DMBT1: variants seen among roughly 807,000 people sequenced by gnomAD.
The protein encoded by DMBT1 is deleted in malignant brain tumors 1.
In DMBT1, 198 loss-of-function variants were observed where a neutral mutation model predicts 252.9. That is an observed-to-expected ratio of 0.78 (90% confidence interval 0.70 to 0.88). The LOEUF (loss-of-function observed/expected upper bound fraction) is 0.88. DMBT1 is among the 40% of genes least tolerant of loss of function. The pLI, the probability that DMBT1 is intolerant of heterozygous loss-of-function variation, is 0.00. For missense variants in DMBT1, 2,432 were observed against 2,404.7 expected, an observed-to-expected ratio of 1.01 and a Z score of -0.24; for synonymous variants, 990 against 942.7, an observed-to-expected ratio of 1.05 and a Z score of -0.92.
chr10:122,571,359 C>A (rs781641946), intron 4 of DMBT1, among the ~76,000 whole-genome samples: 7 of 152,140 alleles, frequency 4.6e-5, no homozygotes, highest in Non-Finnish European at 8.8e-5. Context: ...ATCACGACAA[C>A]CCCTGTCCTG....
intron 26 of DMBT1, 38 bp from the exon 27 acceptor site, chr10:122,600,026 A>T: frequency 6.2e-7 from 1 of 1,607,174 alleles, no homozygotes; most frequent in Non-Finnish European, 8.5e-7. Flanking sequence ...ACTTCTGTGT[A>T]ATGTTCCTGA....
rs758061982 is a variant in DMBT1 at position 122,618,116 on chromosome 10, A to T, written c.4991A>T (p.Asp1664Val). The stretch of plus-strand genomic sequence containing the variant: ...CAAGGCTCCTGGGGCACCGTGTGTG[A>T]TGACTACTGGGACACCAATGATGCC... ...LYQGSWGTVC[D>V]DYWDTNDANV... The change falls in exon 41 of 56, where the codon GAT becomes GTT. Residue 1664 changes from aspartate to valine, a missense_variant. Transcript: ENST00000338354. 1 of 1,613,810 alleles carries T rather than the reference A, an allele frequency of 6.2e-7. No homozygotes were observed. Among genetic ancestry groups the T allele is most frequent in the East Asian group, 2.2e-5 (1 of 44,870 alleles).
chr10:122,624,777 G>A lies in DMBT1; in HGVS notation c.5609-500G>A, dbSNP rs144850572. Among the ~76,000 whole-genome samples the A allele has an allele frequency of 5.1e-3, 783 of 152,326 alleles. 4 individuals are homozygous for A. The highest frequency in any genetic ancestry group is 0.018 in the African/African-American group (736 of 41,562). Reference sequence around the variant, plus strand: ...TGCTCAGGGAATGAGTCCTAACTGTGGAGCTGCCCGCACAATGGCTGGCTC... The same window carrying A: ...TGCTCAGGGAATGAGTCCTAACTGTAGAGCTGCCCGCACAATGGCTGGCTC... On this transcript the variant is annotated intron_variant, in intron 44 of 55. Transcript: ENST00000338354.
Position 122,598,757 on chromosome 10 carries a change from C to G in DMBT1, c.2957-17C>G. ...TCATGATAGGGATGGATGAAGGATT[C>G]TTGTGTTCCCCTGTAGGATCTGAAT... is the stretch of plus-strand genomic sequence containing the variant. On this transcript the variant is annotated splice_polypyrimidine_tract_variant and intron_variant, in intron 25 of 55. Transcript: ENST00000338354. 6.2e-7 allele frequency: 1 copy of G among 1,612,698 alleles called. No homozygotes were observed. The highest frequency in any genetic ancestry group is 8.5e-7 in the Non-Finnish European group (1 of 1,179,708).
In DMBT1 at chr10:122,626,072, C is replaced by T. The variant is rs144488065; in HGVS notation, c.5668+107C>T. ...CCCCACCCCAGCCTTCCTCAATCTG[C>T]ACATAGCCCTGGCCTGTCCCACTAT... On this transcript the variant is annotated intron_variant, in intron 46 of 55. Transcript: ENST00000338354. 1,001 of 891,666 alleles carry T rather than the reference C, an allele frequency of 1.1e-3. 2 individuals carry two copies. The African/African-American group carries it at 0.013, about 12-fold the overall frequency. The allele number at this position is 891,666 out of a possible 1,614,324, so 55.2% of individuals were successfully genotyped here.
At chr10:122,617,207 T>C in intron 39 of DMBT1, 21 bp from the exon 40 acceptor site, 1 of 1,608,212 alleles carries the variant, frequency 6.2e-7, no homozygotes, top group African/African-American at 1.3e-5. Context: ...TTCTGTCTTT[T>C]TTCTTTGTTG....
rs1436067246 is a variant in DMBT1, at chr10:122,643,461, G to A, written c.*63G>A. 62 of 1,531,496 alleles carry A rather than the reference G, an allele frequency of 4.0e-5. No individual in the cohort carries two copies. The highest frequency in any genetic ancestry group is 5.0e-5 in the Non-Finnish European group (57 of 1,135,216). The allele number at this position is 1,531,496 out of a possible 1,614,324, so 94.9% of individuals were successfully genotyped here. On this transcript the variant is annotated 3_prime_UTR_variant, in exon 56 of 56. Transcript: ENST00000338354. ...GACCCCTGACTCGGGGACTTGGGAT[G>A]TTCCTCTTGGTGTCATATTCCAACT...
chr10:122,562,131 A>G (rs2097552590), intron 1 of DMBT1, among the ~76,000 whole-genome samples: 1 of 143,616 alleles, frequency 7.0e-6, no homozygotes, highest in Non-Finnish European at 1.5e-5. Context: ...CCTTCCTTCC[A>G]TCCCTTTTTC....
rs1565741519 is a variant in DMBT1 at position 122,591,482 on chromosome 10, CGTT to C, written c.2144_2146del (p.Leu715del). The C allele has an allele frequency of 1.3e-6, 2 of 1,587,204 alleles. No individual in the cohort carries two copies. The highest frequency in any genetic ancestry group is 1.3e-5 in the African/African-American group (1 of 74,544). ...TTGTCTTTGTTGCAATTTACAGACA[CGTT>C]GTCGACCATCACGTTACCTCCATCG... On this transcript the variant is annotated inframe_deletion, in exon 19 of 56. Coordinates refer to ENST00000338354, the MANE Select transcript of DMBT1 (RefSeq NM_001377530.1).
At chr10:122,637,353 CT>C in intron 54 of DMBT1, 41 bp downstream of exon 54, 1 of 1,544,634 alleles carries the variant, frequency 6.5e-7, no homozygotes, top group Non-Finnish European at 8.8e-7. Flanking sequence ...AGTGCACAAG[CT>C]TTCTTAGAGC....
In DMBT1 at chr10:122,600,212, C is replaced by A; in HGVS notation, c.3310+119C>A. 8.0e-6 allele frequency: 11 copies of A among 1,377,626 alleles called. 1 individual carries two copies. In the Admixed American group the frequency reaches 9.2e-5, roughly 11 times the overall value. The allele number at this position is 1,377,626 out of a possible 1,614,324, so 85.3% of individuals were successfully genotyped here. On this transcript the variant is annotated intron_variant, in intron 27 of 55. Coordinates refer to ENST00000338354, the MANE Select transcript of DMBT1 (RefSeq NM_001377530.1). ...GATACTGTGGGGCATATTATTTCTA[C>A]CCCCAACACCAGTTGTGTAACTGAG...
chr10:122,633,194 AT>A lies in DMBT1; in HGVS notation c.6403del (p.Tyr2135IlefsTer41). ...TTCCCACTTTTTGTCCTGACAGCAG[AT>A]TATTCCTGCGGAGGCTTCCTATCCC... ...PFLNITRPNTDYSCGGFLSQP... is the reference protein window; with the variant it reads ...PFLNITRPNTXYSCGGFLSQP... On this transcript the variant is annotated frameshift_variant, in exon 52 of 56. Coordinates refer to ENST00000338354, the MANE Select transcript of DMBT1 (RefSeq NM_001377530.1). LOFTEE classifies it high-confidence loss of function. 6.2e-7 allele frequency: 1 copy of A among 1,613,882 alleles called. No homozygotes were observed. The highest frequency in any genetic ancestry group is 8.5e-7 in the Non-Finnish European group (1 of 1,179,802).
chr10:122,577,550 C>T (rs569261570), intron 7 of DMBT1, among the ~76,000 whole-genome samples: 63 of 152,210 alleles, frequency 4.1e-4, no homozygotes, highest in Middle Eastern at 3.4e-3. Flanking sequence ...GTGTTGATAC[C>T]GAGGTTGTTG....
chr10:122,641,124 G>A (rs1341577276), intron 55 of DMBT1, among the ~76,000 whole-genome samples: 1 of 152,184 alleles, frequency 6.6e-6, no homozygotes, highest in African/African-American at 2.4e-5. Flanking sequence ...ACGGGTTCCA[G>A]TCAAGCTCAG....
At chr10:122,637,920 A>G (rs1333402390) in intron 54 of DMBT1, among the ~76,000 whole-genome samples, 1 of 152,176 alleles carries the variant, frequency 6.6e-6, no homozygotes, top group African/African-American at 2.4e-5. Context: ...AGTGAAGCCA[A>G]TATGGTGTGT....
chr10:122,597,568 G>A (rs2097894538), intron 24 of DMBT1, among the ~76,000 whole-genome samples: 1 of 152,222 alleles, frequency 6.6e-6, no homozygotes, highest in Non-Finnish European at 1.5e-5. Flanking sequence ...GGCAGGGAGA[G>A]GGATAATAAA....
chr10:122,597,938 C>T (rs376970434), intron 24 of DMBT1, 36 bp from the exon 25 acceptor site: 2 of 1,613,816 alleles, frequency 1.2e-6, no homozygotes, highest in Admixed American at 1.7e-5. Context: ...TCACCATCAA[C>T]TTTAATTCTA....
chr10:122,623,453 A>G (rs2098089438), intron 44 of DMBT1, among the ~76,000 whole-genome samples: 1 of 152,172 alleles, frequency 6.6e-6, no homozygotes, highest in South Asian at 2.1e-4. Flanking sequence ...TAGGGTAATT[A>G]TGTTTAATTT....
chr10:122,563,086 A>G (rs943166629), intron 1 of DMBT1, among the ~76,000 whole-genome samples: 1 of 152,224 alleles, frequency 6.6e-6, no homozygotes. Flanking sequence ...TTGCGCTGGA[A>G]GTACCGAGGT....
Sources: allele counts gnomAD v4.1 joint callset (sites outside exome capture counted in the v4.1 genomes callset), GRCh38; gene constraint gnomAD v4.1.1; transcripts MANE v1.5; gene names NCBI Gene and HGNC (gene_info 2026-07-23, HGNC 2026-07-21).